The following KIF1B variants were observed in gnomAD, a reference collection of about 807,000 sequenced individuals.
The protein encoded by KIF1B is kinesin family member 1B.
KIF1B carries 76 observed loss-of-function variants against 241.9 expected under a neutral mutation model. The observed-to-expected ratio is 0.31, with a 90% CI of 0.26 to 0.38. The LOEUF is 0.38. KIF1B is among the 10% of genes least tolerant of loss of function. KIF1B has a pLI of 1.00. For missense variants in KIF1B, 1,622 were observed against 2,271.4 expected, an observed-to-expected ratio of 0.71 and a Z score of 5.81; for synonymous variants, 750 against 796.7, an observed-to-expected ratio of 0.94 and a Z score of 0.99.
At chr1:10,274,882 T>TG (rs1649017404) in intron 10 of KIF1B, 5 of 374,868 alleles carry the variant, frequency 1.3e-5, no homozygotes, top group Non-Finnish European at 2.1e-5. Context: ...TGTTTTGTTT[T>TG]GTTTTTAAAA....
intron 24 of KIF1B, among the ~76,000 whole-genome samples, chr1:10,322,923 A>T (rs1455809717): frequency 6.6e-6 from 1 of 152,208 alleles, no homozygotes; most frequent in African/African-American, 2.4e-5. Context: ...ACTTTTATAA[A>T]ACCATATTTA....
At chr1:10,299,006 A>G (rs1363106200) in intron 22 of KIF1B, 3 of 151,716 alleles carry the variant, frequency 2.0e-5, no homozygotes, top group African/African-American at 7.3e-5. Context: ...TTGGAACGAT[A>G]CAGAGAAGAT....
At chr1:10,243,652 T>C (rs545505244) in intron 2 of KIF1B, among the ~76,000 whole-genome samples, 4 of 152,192 alleles carry the variant, frequency 2.6e-5, no homozygotes, top group Non-Finnish European at 5.9e-5. Flanking sequence ...AAGTAGAAAA[T>C]GAAGTTGGGC....
chr1:10,259,903 C>T (rs1005352209), intron 4 of KIF1B, among the ~76,000 whole-genome samples: 2 of 151,834 alleles, frequency 1.3e-5, no homozygotes, highest in Admixed American at 6.6e-5. Flanking sequence ...CCTGCCTCGA[C>T]TTCCAGAAGT....
chr1:10,273,181 T>G, intron 10 of KIF1B, 150 bp downstream of exon 10: 5 of 560,542 alleles, frequency 8.9e-6, no homozygotes, highest in African/African-American at 1.9e-5. Flanking sequence ...GGCTGTAAAT[T>G]TAGGGTGACC....
At chr1:10,306,367 G>A in intron 22 of KIF1B, 1 of 1,043,548 alleles carries the variant, frequency 9.6e-7, no homozygotes, top group South Asian at 4.6e-5. Flanking sequence ...TGCATTTTGT[G>A]TAAACCCAGT....
intron 38 of KIF1B, among the ~76,000 whole-genome samples, chr1:10,354,108 G>A (rs1347415831): frequency 6.6e-6 from 1 of 152,112 alleles, no homozygotes; most frequent in Non-Finnish European, 1.5e-5. Context: ...CCAACAACAG[G>A]TCAGGTGCTA....
chr1:10,336,646 T>C lies in KIF1B; in HGVS notation c.3044-11T>C, dbSNP rs1465969831. 6.2e-7 allele frequency: 1 copy of C among 1,612,002 alleles called. No homozygotes were observed. The highest frequency in any genetic ancestry group is 8.5e-7 in the Non-Finnish European group (1 of 1,178,266). On this transcript the variant is annotated splice_polypyrimidine_tract_variant and intron_variant, in intron 28 of 48. Coordinates refer to ENST00000676179, the MANE Select transcript of KIF1B (RefSeq NM_001365951.3). ...TCACTCAATTCTTGCTAATTTTTTT[T>C]TCTGCTTTAGCGGATGAAGAAGCTC...
At position 10,378,952 on chromosome 1, in the gene KIF1B, G is replaced by A. The variant is rs1638957113; in HGVS notation, c.*2365G>A. 1 of 233,430 alleles carries A rather than the reference G, an allele frequency of 4.3e-6. No homozygotes were observed. 14.5% of individuals were successfully genotyped at this position (233,430 alleles called of 1,614,324 possible). A position where few individuals can be genotyped will look rare whatever the true frequency, so the allele number is the denominator to read the frequency against. On this transcript the variant is annotated 3_prime_UTR_variant, in exon 49 of 49. Transcript: ENST00000676179. ...GTTATTTGTTTTCTAAGTGGTATGTGAGATTTTCTAATGTAGTTAGAAGTT... is the reference window on the plus strand; with the variant it reads ...GTTATTTGTTTTCTAAGTGGTATGTAAGATTTTCTAATGTAGTTAGAAGTT...
At chr1:10,305,501 C>A in intron 22 of KIF1B, 1 of 1,059,776 alleles carries the variant, frequency 9.4e-7, no homozygotes. Context: ...GGTTATTTGG[C>A]TTGAGAGGGA....
chr1:10,240,721 A>ATTT (rs34449939), intron 2 of KIF1B, among the ~76,000 whole-genome samples: 21,902 of 109,040 alleles, frequency 0.2, 2,125 homozygotes, highest in East Asian at 0.28. Context: ...TGGGTAGTTC[A>ATTT]TTTTTTTTTT....
At chr1:10,251,569 T>C (rs2102171687) in intron 2 of KIF1B, among the ~76,000 whole-genome samples, 1 of 152,078 alleles carries the variant, frequency 6.6e-6, no homozygotes, top group South Asian at 2.1e-4. Context: ...ACCCTGTCTC[T>C]ACTAGACATA....
intron 2 of KIF1B, among the ~76,000 whole-genome samples, chr1:10,238,129 C>T (rs540002859): frequency 6.6e-6 from 1 of 152,054 alleles, no homozygotes; most frequent in African/African-American, 2.4e-5. Flanking sequence ...GCCTATAATC[C>T]TAGCACTTTG....
At chr1:10,277,964 C>G (rs1428641238) in intron 12 of KIF1B, 22 bp from the exon 13 acceptor site, 1 of 1,610,500 alleles carries the variant, frequency 6.2e-7, no homozygotes, top group South Asian at 1.1e-5. Context: ...ATGACAAGAA[C>G]AAATTTTCTT....
chr1:10,373,153 G>A (rs1443397184), intron 45 of KIF1B, among the ~76,000 whole-genome samples: 1 of 151,016 alleles, frequency 6.6e-6, no homozygotes, highest in African/African-American at 2.4e-5. Flanking sequence ...TAGAGATGGG[G>A]TTTCACCGTG....
intron 23 of KIF1B, among the ~76,000 whole-genome samples, chr1:10,320,339 T>C (rs117483630): frequency 6.6e-6 from 1 of 152,176 alleles, no homozygotes; most frequent in East Asian, 1.9e-4. Flanking sequence ...GGGATGGGAG[T>C]GATGGTGTTC....
At chr1:10,289,996 G>A (rs958278547) in intron 15 of KIF1B, among the ~76,000 whole-genome samples, 1 of 152,128 alleles carries the variant, frequency 6.6e-6, no homozygotes, top group Non-Finnish European at 1.5e-5. Context: ...ATCCATAGGT[G>A]CCTTGAAGAA....
intron 1 of KIF1B, among the ~76,000 whole-genome samples, chr1:10,225,344 G>A (rs1458964323): frequency 6.6e-6 from 1 of 152,092 alleles, no homozygotes; most frequent in Admixed American, 6.6e-5. Flanking sequence ...AATTAGCCGG[G>A]CATGGTGGTG....
chr1:10,357,537 C>T (rs1638285593), intron 38 of KIF1B, among the ~76,000 whole-genome samples: 1 of 152,110 alleles, frequency 6.6e-6, no homozygotes, highest in Non-Finnish European at 1.5e-5. Flanking sequence ...AGTTCAAGAC[C>T]TGCCTGGGCA....
Sources: allele counts gnomAD v4.1 joint callset (sites outside exome capture counted in the v4.1 genomes callset), GRCh38; gene constraint gnomAD v4.1.1; transcripts MANE v1.5; gene names NCBI Gene and HGNC (gene_info 2026-07-23, HGNC 2026-07-21).